The following HLA-C variants were observed in gnomAD, a reference collection of about 807,000 sequenced individuals.
The protein encoded by HLA-C is HLA class I histocompatibility antigen, C alpha chain.
HLA-C carries 15 observed loss-of-function variants against 36.9 expected under a neutral mutation model. The ratio of observed to expected loss-of-function variants is 0.41; its 90% confidence interval spans 0.27 to 0.63. HLA-C has a LOEUF of 0.63. Ranked by LOEUF, HLA-C falls within the 20% of genes least tolerant of loss-of-function variation. The pLI is 0.35. For synonymous variants in HLA-C, 104 were observed against 174.3 expected, an observed-to-expected ratio of 0.60 and a Z score of 3.18; for missense variants, 272 against 400.4, an observed-to-expected ratio of 0.68 and a Z score of 2.74.
rs41556116 is a variant in HLA-C at position 31,271,875 on chromosome 6, G to A, written c.74-7C>T. ...TACCTCATGGAGTGGGAGCCTGGGG[G>A]CGAGGAGGGGCTGAGACCCGCCCGA... On this transcript the variant is annotated splice_polypyrimidine_tract_variant and splice_region_variant and intron_variant, in intron 1 of 7. Transcript: ENST00000376228. 0.029 allele frequency: 34,844 copies of A among 1,194,720 alleles called. 4,004 individuals are homozygous for A. Among genetic ancestry groups the A allele is most frequent in the Admixed American group, 0.087 (3,251 of 37,428 alleles). 74.0% of individuals were successfully genotyped at this position (1,194,720 alleles called of 1,614,324 possible). A position where few individuals can be genotyped will look rare whatever the true frequency, so the allele number is the denominator to read the frequency against.
At chr6:31,271,956 C>T (rs2074494) in intron 1 of HLA-C, 43 bp downstream of exon 1, 28,373 of 1,072,944 alleles carry the variant, frequency 0.026, 2,210 homozygotes, top group East Asian at 0.19. Flanking sequence ...GGGCCCCTCG[C>T]TCCTCTCCGC....
chr6:31,271,280 C>A, exon 3 of HLA-C: 1 of 1,128,768 alleles, frequency 8.9e-7, no homozygotes, highest in South Asian at 1.4e-5. Context: ...GCGGACTGGT[C>A]ATACCCGCGG....
chr6:31,269,109 GA>G, exon 8 of HLA-C: 1 of 1,258,522 alleles, frequency 7.9e-7, no homozygotes, highest in Non-Finnish European at 1.1e-6. Flanking sequence ...AGAGGCTCTT[GA>G]AGTCACAAAG....
chr6:31,269,348 G>C (rs763576150), exon 7 of HLA-C: 1 of 882,688 alleles, frequency 1.1e-6, no homozygotes. Flanking sequence ...CTTTACAAGT[G>C]ATGAGAGACT....
chr6:31,271,288 C>A (rs281860465), exon 3 of HLA-C: 9 of 1,165,348 alleles, frequency 7.7e-6, no homozygotes, highest in Non-Finnish European at 9.1e-6. Flanking sequence ...GTCATACCCG[C>A]GGAGGAGGCG....
At chr6:31,271,963 C>A in intron 1 of HLA-C, 36 bp downstream of exon 1, 2 of 1,090,810 alleles carry the variant, frequency 1.8e-6, no homozygotes, top group South Asian at 1.5e-5. Flanking sequence ...TCGCTCCTCT[C>A]CGCAGAGGCC....
Position 31,269,477 on chromosome 6 carries a change from C to T in HLA-C, c.1048+16G>A, listed in dbSNP as rs41562921. ...GAGTAGGTGAGCTCCTCCACACGCC[C>T]GCCGCCATCACTTACACGCAGCCTG... On this transcript the variant is annotated intron_variant, in intron 6 of 7. Transcript: ENST00000376228. The T allele has an allele frequency of 0.049, 42,830 of 879,246 alleles. 13,412 individuals carry two copies. The highest frequency in any genetic ancestry group is 0.079 in the African/African-American group (2,146 of 27,274). The allele number at this position is 879,246 out of a possible 1,614,324, so 54.5% of individuals were successfully genotyped here. A position where few individuals can be genotyped will look rare whatever the true frequency, so the allele number is the denominator to read the frequency against.
intron 4 of HLA-C, 45 bp downstream of exon 4, chr6:31,270,165 C>T (rs372975823): frequency 1.2e-6 from 1 of 828,830 alleles, no homozygotes; most frequent in Non-Finnish European, 1.5e-6. Context: ...AGAAGGACTT[C>T]TGCTTTCTCT....
exon 3 of HLA-C, chr6:31,271,233 G>C: frequency 8.6e-7 from 1 of 1,163,584 alleles, no homozygotes; most frequent in Non-Finnish European, 1.1e-6. Context: ...AGGAGCGCAG[G>C]TCCTCGTTCA....
intron 7 of HLA-C, 63 bp downstream of exon 7, chr6:31,269,275 C>T (rs111260491): frequency 1.6e-4 from 139 of 896,296 alleles, no homozygotes; most frequent in Middle Eastern, 1.0e-3. Flanking sequence ...TCAAAGAATC[C>T]CCATTACCCA....
Position 31,271,067 on chromosome 6 carries a change from TG to T in HLA-C, c.619+5del. On this transcript the variant is annotated splice_donor_5th_base_variant and intron_variant, in intron 3 of 7. Transcript: ENST00000376228. ...GATGGGGAAGGCTCCCCACTGCCCC[TG>T]GTACCTGCGCGCTGCAGCGTCTCCT... 1.1e-6 allele frequency: 1 copy of T among 894,264 alleles called. No homozygotes were observed. Among genetic ancestry groups the T allele is most frequent in the Non-Finnish European group, 1.4e-6 (1 of 690,998 alleles). 55.4% of individuals were successfully genotyped at this position (894,264 alleles called of 1,614,324 possible).
At chr6:31,271,701 G>A (rs281860385) in exon 2 of HLA-C, 2 of 1,510,160 alleles carry the variant, frequency 1.3e-6, no homozygotes, top group Non-Finnish European at 1.8e-6. Flanking sequence ...CAATACTCCG[G>A]CCCCTCCTGC....
chr6:31,269,328 A>T lies in HLA-C; in HGVS notation c.1096+10T>A. 1.1e-6 allele frequency: 1 copy of T among 904,712 alleles called. No homozygotes were observed. The allele number at this position is 904,712 out of a possible 1,614,324, so 56.0% of individuals were successfully genotyped here. On this transcript the variant is annotated intron_variant, in intron 7 of 7. Transcript: ENST00000376228. ...CCACCCCCGACCACTTCAGCTCCCC[A>T]GAATCTCACCTTTACAAGTGATGAG...
intron 3 of HLA-C, chr6:31,270,788 G>A (rs114343571): frequency 0.019 from 6,078 of 326,804 alleles, 2,392 homozygotes; most frequent in South Asian, 0.17. Flanking sequence ...CTGAGAGAAA[G>A]GTCAGCAGCC....
chr6:31,268,910 G>A (rs3207555), exon 8 of HLA-C: 98 of 257,228 alleles, frequency 3.8e-4, no homozygotes, highest in Admixed American at 6.5e-4. Flanking sequence ...AGTGCACCAT[G>A]AATTTGAGAC....
intron 2 of HLA-C, 49 bp downstream of exon 2, chr6:31,271,549 TG>T: frequency 1.9e-6 from 2 of 1,053,116 alleles, no homozygotes; most frequent in Non-Finnish European, 2.5e-6. Context: ...GGGCCGTCCG[TG>T]GGGGATGGGG....
exon 3 of HLA-C, chr6:31,271,235 C>G (rs281860487): frequency 1.7e-6 from 2 of 1,201,702 alleles, no homozygotes; most frequent in East Asian, 3.6e-5. Flanking sequence ...GAGCGCAGGT[C>G]CTCGTTCAGG....
At chr6:31,270,617 C>CGGATG in intron 3 of HLA-C, 132 bp from the exon 4 acceptor site, 1 of 511,426 alleles carries the variant, frequency 2.0e-6, no homozygotes, top group Non-Finnish European at 2.9e-6. Context: ...CAGACGCCAG[C>CGGATG]CTGGACACAG....
In HLA-C at chr6:31,270,338, TC is replaced by T; in HGVS notation, c.766del (p.Glu256ArgfsTer41). 2.2e-6 allele frequency: 2 copies of T among 921,500 alleles called. No homozygotes were observed. The highest frequency in any genetic ancestry group is 1.9e-5 in the South Asian group (1 of 52,800). 57.1% of individuals were successfully genotyped at this position (921,500 alleles called of 1,614,324 possible). On this transcript the variant is annotated frameshift_variant, in exon 4 of 8. Transcript: ENST00000376228. LOFTEE classifies it high-confidence loss of function. ...GGTTCCATCTCCTGCTGGCCTGGTC[TC>T]CACAAGCTCGGTGTCCTGGGTCTGG... is the stretch of plus-strand genomic sequence containing the variant.
Sources: allele counts gnomAD v4.1 joint callset, GRCh38; gene constraint gnomAD v4.1.1; transcripts MANE v1.5; gene names NCBI Gene and HGNC (gene_info 2026-07-23, HGNC 2026-07-21).